MYO7A: variants seen among roughly 807,000 people sequenced by gnomAD.
The protein encoded by MYO7A is unconventional myosin-VIIa.
MYO7A carries 210 observed loss-of-function variants against 263.8 expected under a neutral mutation model. That is an observed-to-expected ratio of 0.80 (90% confidence interval 0.71 to 0.89). The LOEUF (loss-of-function observed/expected upper bound fraction) is 0.89. Ranked by LOEUF, MYO7A falls within the 40% of genes least tolerant of loss-of-function variation. MYO7A has a pLI of 0.00. For missense variants in MYO7A, 2,820 were observed against 2,968.3 expected (o/e 0.95, Z 1.16); for synonymous variants, 1,239 against 1,197.3 (o/e 1.03, Z -0.72).
At chr11:77,142,922 A>G in intron 3 of MYO7A, 100 bp downstream of exon 3, 3 of 962,040 alleles carry the variant, frequency 3.1e-6, no homozygotes, top group Non-Finnish European at 3.2e-6. Flanking sequence ...GATGGAGGCC[A>G]TGCCCATGCC....
At chr11:77,166,985 C>T (rs1953608003) in intron 15 of MYO7A, among the ~76,000 whole-genome samples, 2 of 152,244 alleles carry the variant, frequency 1.3e-5, no homozygotes, top group African/African-American at 4.8e-5. Context: ...TCAGCAGCTG[C>T]TGCGAAGGTA....
In MYO7A at chr11:77,211,459, T is replaced by G. The variant is rs543254647; in HGVS notation, c.6237+122T>G. ...AGGTGCATCTTGTGGTTCTTGTACT[T>G]GATGAGGCCGCCCACCCTTGTTCCT... On this transcript the variant is annotated intron_variant, in intron 45 of 48. Transcript: ENST00000409709. The G allele has an allele frequency of 6.2e-5, 70 of 1,134,684 alleles. No individual in the cohort carries two copies. In the African/African-American group the frequency reaches 7.6e-4, roughly 12 times the overall value. The allele number at this position is 1,134,684 out of a possible 1,614,324, so 70.3% of individuals were successfully genotyped here.
intron 2 of MYO7A, among the ~76,000 whole-genome samples, chr11:77,141,767 C>T (rs782258771): frequency 3.2e-4 from 49 of 152,304 alleles, no homozygotes; most frequent in Admixed American, 1.2e-3. Context: ...GTCAGCTCAG[C>T]GATTCCCTCC....
At chr11:77,202,464 G>A in intron 37 of MYO7A, 40 bp downstream of exon 37, 2 of 1,540,788 alleles carry the variant, frequency 1.3e-6, no homozygotes, top group Non-Finnish European at 1.8e-6. Context: ...ACAGGGCTAG[G>A]AGCTGCAGGC....
At chr11:77,183,691 TG>T (rs1555086407) in intron 26 of MYO7A, among the ~76,000 whole-genome samples, 1 of 152,112 alleles carries the variant, frequency 6.6e-6, no homozygotes, top group East Asian at 1.9e-4. Flanking sequence ...TTCACAGCCT[TG>T]GGGGCCAGGC....
At chr11:77,202,745 G>A (rs1957156368) in intron 37 of MYO7A, among the ~76,000 whole-genome samples, 1 of 151,840 alleles carries the variant, frequency 6.6e-6, no homozygotes, top group Non-Finnish European at 1.5e-5. Flanking sequence ...CTGGGGCGGG[G>A]GGTGGGGGGC....
At chr11:77,181,320 C>T in intron 22 of MYO7A, 60 bp from the exon 23 acceptor site, 2 of 1,460,308 alleles carry the variant, frequency 1.4e-6, no homozygotes, top group Non-Finnish European at 1.8e-6. Context: ...AGAGCTTGTT[C>T]CCTGAGGCTG....
chr11:77,164,424 A>G (rs557785305), intron 14 of MYO7A, among the ~76,000 whole-genome samples: 1 of 152,098 alleles, frequency 6.6e-6, no homozygotes, highest in African/African-American at 2.4e-5. Context: ...ATTTTTTTTT[A>G]AAAAAGGCCA....
At chr11:77,209,722 A>T (rs982611928) in intron 44 of MYO7A, among the ~76,000 whole-genome samples, 1 of 152,116 alleles carries the variant, frequency 6.6e-6, no homozygotes, top group Non-Finnish European at 1.5e-5. Context: ...GTCTACCATC[A>T]TCTCTGATCC....
At position 77,147,791 on chromosome 11, in the gene MYO7A, C is replaced by T. The variant is rs111033221; in HGVS notation, c.133-7C>T. 6.5e-3 allele frequency: 10,446 copies of T among 1,609,244 alleles called. 48 individuals carry two copies. The highest frequency in any genetic ancestry group is 7.8e-3 in the Non-Finnish European group (9,236 of 1,178,612). Reference sequence around the variant, plus strand: ...GGAGAGCACGCTGACGTTCTGGCTCCCCGCAGGAACACTGGATCTCTCCGC... The same window carrying T: ...GGAGAGCACGCTGACGTTCTGGCTCTCCGCAGGAACACTGGATCTCTCCGC... On this transcript the variant is annotated splice_region_variant and splice_polypyrimidine_tract_variant and intron_variant, in intron 3 of 48. Coordinates refer to ENST00000409709, the MANE Select transcript of MYO7A (RefSeq NM_000260.4).
intron 1 of MYO7A, among the ~76,000 whole-genome samples, chr11:77,129,403 G>A (rs1423208182): frequency 2.0e-5 from 3 of 152,206 alleles, no homozygotes; most frequent in Non-Finnish European, 2.9e-5. Flanking sequence ...ATGCCCCGGC[G>A]GCTCTGAATG....
intron 29 of MYO7A, 39 bp downstream of exon 29, chr11:77,190,178 G>A (rs1565433576): frequency 6.6e-7 from 1 of 1,512,538 alleles, no homozygotes; most frequent in Non-Finnish European, 8.9e-7. Flanking sequence ...GTGCATGTGT[G>A]CGCACGTGTG....
chr11:77,189,903 A>G lies in MYO7A; in HGVS notation c.3631-117A>G. On this transcript the variant is annotated intron_variant, in intron 28 of 48. Coordinates refer to ENST00000409709, the MANE Select transcript of MYO7A (RefSeq NM_000260.4). ...GTGGAGCTGAGAGGGTAGGGAAGCC[A>G]CAGAAAGCAACCTGGCCTGGAGGAG... 3 of 1,426,872 alleles carry G rather than the reference A, an allele frequency of 2.1e-6. No individual in the cohort carries two copies. The East Asian group carries it at 7.7e-5, about 36-fold the overall frequency. 88.4% of individuals were successfully genotyped at this position (1,426,872 alleles called of 1,614,324 possible).
intron 4 of MYO7A, among the ~76,000 whole-genome samples, chr11:77,155,286 C>G (rs1952341936): frequency 6.6e-6 from 1 of 152,304 alleles, no homozygotes; most frequent in African/African-American, 2.4e-5. Context: ...TGAGGTGCAC[C>G]TGGCCCCTGC....
chr11:77,189,551 G>T, intron 28 of MYO7A, 81 bp downstream of exon 28: 3 of 1,570,848 alleles, frequency 1.9e-6, no homozygotes, highest in South Asian at 2.3e-5. Context: ...ATAGCCAGGG[G>T]CTCCAAAGGG....
At chr11:77,153,328 A>G (rs1304000790) in intron 4 of MYO7A, among the ~76,000 whole-genome samples, 2 of 151,830 alleles carry the variant, frequency 1.3e-5, no homozygotes, top group African/African-American at 4.8e-5. Flanking sequence ...TCGAGTTGGG[A>G]AGGCTGGAGA....
intron 20 of MYO7A, 54 bp from the exon 21 acceptor site, chr11:77,179,681 G>A: frequency 6.9e-7 from 1 of 1,455,684 alleles, no homozygotes; most frequent in Non-Finnish European, 9.2e-7. Context: ...CTGCAGGCAG[G>A]GTCAGTCTGG....
intron 18 of MYO7A, among the ~76,000 whole-genome samples, chr11:77,177,270 G>A (rs1473676481): frequency 9.2e-5 from 14 of 152,172 alleles, no homozygotes; most frequent in African/African-American, 2.9e-4. Flanking sequence ...GGAAGAAGCT[G>A]GTGTGTGTGC....
rs569425477 is a variant in MYO7A, at chr11:77,133,363, G to A, written c.18+2711G>A. Among the ~76,000 whole-genome samples the A allele has an allele frequency of 3.9e-5, 6 of 152,308 alleles. No homozygotes were observed. In the East Asian group the frequency reaches 9.6e-4, roughly 24 times the overall value. On this transcript the variant is annotated intron_variant, in intron 2 of 48. Transcript: ENST00000409709. ...CCAGCTTCATGGTGGTGCCAGGGTA[G>A]GGACTCTGTGTACTTGGCCCAGATT...
Sources: allele counts gnomAD v4.1 joint callset (sites outside exome capture counted in the v4.1 genomes callset), GRCh38; gene constraint gnomAD v4.1.1; transcripts MANE v1.5; gene names NCBI Gene and HGNC (gene_info 2026-07-23, HGNC 2026-07-21).